Variants in PTPRD observed in about 807,000 individuals in gnomAD.
PTPRD encodes the protein receptor-type tyrosine-protein phosphatase delta.
PTPRD carries 34 observed loss-of-function variants against 214.5 expected under a neutral mutation model. The observed-to-expected ratio is 0.16, with a 90% confidence interval of 0.12 to 0.21. The LOEUF is 0.21. Among genes scored for constraint, PTPRD ranks in the 10% least tolerant of loss-of-function variants. PTPRD has a pLI of 1.00. For synonymous variants in PTPRD, 1,128 were observed against 845.7 expected (o/e 1.33, Z -5.79); for missense variants, 2,545 against 2,398.7 (o/e 1.06, Z -1.27).
At chr9:9,143,927 C>A (rs1054171467) in intron 10 of PTPRD, among the ~76,000 whole-genome samples, 3 of 152,184 alleles carry the variant, frequency 2.0e-5, no homozygotes, top group South Asian at 2.1e-4. Context: ...GTGAGGTTTT[C>A]TCATGTGATC....
At chr9:10,580,011 A>T (rs1192836467) in intron 2 of PTPRD, among the ~76,000 whole-genome samples, 1 of 152,050 alleles carries the variant, frequency 6.6e-6, no homozygotes, top group Non-Finnish European at 1.5e-5. Flanking sequence ...ATTAGTTTTC[A>T]CTCAGTTCTG....
chr9:9,941,610 A>G (rs2091467085), intron 4 of PTPRD, among the ~76,000 whole-genome samples: 1 of 152,242 alleles, frequency 6.6e-6, no homozygotes, highest in Non-Finnish European at 1.5e-5. Context: ...GGCGTGAGCC[A>G]CTGAGCCCAG....
At chr9:8,785,028 C>T (rs2095880875) in intron 11 of PTPRD, among the ~76,000 whole-genome samples, 1 of 151,974 alleles carries the variant, frequency 6.6e-6, no homozygotes, top group South Asian at 2.1e-4. Context: ...CCCTGCCAGT[C>T]CTGCCTTCTG....
At chr9:10,510,632 A>C (rs1459972343) in intron 2 of PTPRD, among the ~76,000 whole-genome samples, 1 of 152,152 alleles carries the variant, frequency 6.6e-6, no homozygotes, top group Non-Finnish European at 1.5e-5. Flanking sequence ...TTTTAACATG[A>C]GCATGCAAGG....
chr9:8,922,589 C>T (rs891340822), intron 11 of PTPRD, among the ~76,000 whole-genome samples: 3 of 152,158 alleles, frequency 2.0e-5, no homozygotes, highest in Admixed American at 2.0e-4. Context: ...GGCAGGGATG[C>T]AGTTTGATTT....
intron 9 of PTPRD, among the ~76,000 whole-genome samples, chr9:9,363,467 T>C (rs918996865): frequency 1.3e-5 from 2 of 151,472 alleles, no homozygotes; most frequent in African/African-American, 4.8e-5. Context: ...CTATGAGTTG[T>C]AGCATTTTAT....
intron 5 of PTPRD, among the ~76,000 whole-genome samples, chr9:9,872,739 G>T (rs1389295587): frequency 6.6e-6 from 1 of 152,144 alleles, no homozygotes; most frequent in African/African-American, 2.4e-5. Context: ...CATCATGATG[G>T]TACATTACTT....
chr9:9,429,828 A>AAGGCCTTT (rs1372211867), intron 8 of PTPRD, among the ~76,000 whole-genome samples: 1 of 151,848 alleles, frequency 6.6e-6, no homozygotes, highest in South Asian at 2.1e-4. Flanking sequence ...AGATGCAGAA[A>AAGGCCTTT]AGGCCTTTGA....
intron 8 of PTPRD, among the ~76,000 whole-genome samples, chr9:9,449,821 G>C (rs1045691411): frequency 2.0e-5 from 3 of 151,636 alleles, no homozygotes; most frequent in Non-Finnish European, 1.5e-5. Context: ...CTGAGATATT[G>C]GTGCACTTGC....
intron 7 of PTPRD, among the ~76,000 whole-genome samples, chr9:9,678,433 A>C (rs2096983230): frequency 6.6e-6 from 1 of 152,056 alleles, no homozygotes; most frequent in South Asian, 2.1e-4. Context: ...CAACCATCTG[A>C]TCTTTGACAA....
In PTPRD at chr9:8,738,889, A is replaced by C. The variant is rs984672968; in HGVS notation, c.-103-4943T>G. Reference sequence around the variant, plus strand: ...TCCTCTCAAGTCTAGACATCTCAGAAGCAATATCATAATGATATTTAACCT... The same window carrying C: ...TCCTCTCAAGTCTAGACATCTCAGACGCAATATCATAATGATATTTAACCT... On this transcript the variant is annotated intron_variant, in intron 11 of 45. Coordinates refer to ENST00000381196, the MANE Select transcript of PTPRD (RefSeq NM_002839.4). Among the ~76,000 whole-genome samples the C allele has an allele frequency of 2.0e-5, 3 of 152,336 alleles. No homozygotes were observed. The East Asian group carries it at 5.8e-4, about 29-fold the overall frequency.
At chr9:10,470,004 G>A (rs1310381191) in intron 2 of PTPRD, among the ~76,000 whole-genome samples, 1 of 151,938 alleles carries the variant, frequency 6.6e-6, no homozygotes, top group Non-Finnish European at 1.5e-5. Flanking sequence ...AGGCTGGGTA[G>A]GGTATTTGGG....
intron 8 of PTPRD, among the ~76,000 whole-genome samples, chr9:9,402,723 T>G (rs2071178687): frequency 2.5e-5 from 2 of 80,284 alleles, no homozygotes; most frequent in Admixed American, 2.9e-4. Context: ...AGCAAGTATG[T>G]GAAAGACATA....
At chr9:10,421,918 G>A (rs985620275) in intron 2 of PTPRD, among the ~76,000 whole-genome samples, 1 of 151,808 alleles carries the variant, frequency 6.6e-6, no homozygotes, top group African/African-American at 2.4e-5. Flanking sequence ...ACCCAGAAAA[G>A]TAGATCCAGA....
chr9:8,982,156 A>G (rs2099315929), intron 11 of PTPRD, among the ~76,000 whole-genome samples: 1 of 152,040 alleles, frequency 6.6e-6, no homozygotes, highest in Non-Finnish European at 1.5e-5. Context: ...AGAGGAAAAT[A>G]TTACTACACA....
rs569362446 is a variant in PTPRD at position 9,576,357 on chromosome 9, G to A, written c.-286-1576C>T. Among the ~76,000 whole-genome samples, 18 of 152,204 alleles carry A rather than the reference G, an allele frequency of 1.2e-4. No individual in the cohort carries two copies. In the South Asian group the frequency reaches 3.7e-3, roughly 32 times the overall value. Reference sequence around the variant, plus strand: ...GAGGAAAACAAAATATCACTATCACGGAGGTGTAAAGGAGTACATTACAAT... The same window carrying A: ...GAGGAAAACAAAATATCACTATCACAGAGGTGTAAAGGAGTACATTACAAT... On this transcript the variant is annotated intron_variant, in intron 7 of 45. Coordinates refer to ENST00000381196, the MANE Select transcript of PTPRD (RefSeq NM_002839.4).
intron 2 of PTPRD, among the ~76,000 whole-genome samples, chr9:10,607,498 A>C (rs1171823639): frequency 6.6e-6 from 1 of 151,924 alleles, no homozygotes; most frequent in Non-Finnish European, 1.5e-5. Flanking sequence ...ACAAAATAAA[A>C]TGCAATTGAA....
intron 8 of PTPRD, among the ~76,000 whole-genome samples, chr9:9,456,184 C>T (rs1005064033): frequency 1.3e-5 from 2 of 151,840 alleles, no homozygotes; most frequent in Non-Finnish European, 2.9e-5. Flanking sequence ...TGTTTAGTCA[C>T]ATTGTTAAGA....
intron 34 of PTPRD, among the ~76,000 whole-genome samples, chr9:8,448,639 T>G (rs567343146): frequency 1.3e-5 from 2 of 152,280 alleles, no homozygotes; most frequent in East Asian, 3.9e-4. Flanking sequence ...ATACCGACAT[T>G]ATGATGCTTG....
Sources: gnomAD v4.1 joint callset for allele counts (sites outside exome capture counted in the v4.1 genomes callset) on GRCh38, gnomAD v4.1.1 for gene constraint, MANE v1.5 for transcripts, NCBI Gene and HGNC (gene_info 2026-07-23, HGNC 2026-07-21) for gene names.